Variants in NOL10 observed in about 807,000 individuals in gnomAD.
The protein encoded by NOL10 is nucleolar protein 10.
A neutral mutation model predicts 103.5 loss-of-function variants in NOL10; 58 were observed. That is an observed-to-expected ratio of 0.56 (90% CI 0.45 to 0.70). The LOEUF (loss-of-function observed/expected upper bound fraction) is 0.70. Ranked by LOEUF, NOL10 falls within the 30% of genes least tolerant of loss-of-function variation. The pLI is 0.00. For synonymous variants in NOL10, 287 were observed against 282.5 expected (o/e 1.02, Z -0.16); for missense variants, 763 against 807.3 (o/e 0.95, Z 0.67).
At chr2:10,650,355 G>C (rs1679380967) in intron 12 of NOL10, among the ~76,000 whole-genome samples, 1 of 151,808 alleles carries the variant, frequency 6.6e-6, no homozygotes, top group African/African-American at 2.4e-5. Context: ...AGTAGAGACA[G>C]AGTCTTGCTG....
chr2:10,594,047 A>C (rs1442185619), intron 17 of NOL10, among the ~76,000 whole-genome samples: 1 of 152,212 alleles, frequency 6.6e-6, no homozygotes, highest in Admixed American at 6.5e-5. Flanking sequence ...CTGCCAAAAA[A>C]TAACTATGGA....
In NOL10 at chr2:10,682,073, A is replaced by G; in HGVS notation, c.113-4T>C. Reference sequence around the variant, plus strand: ...AGTTCAATTCTCCTACGGACATCTAAAAAGAGAGAAAAAAACAACTAGTTT... The same window carrying G: ...AGTTCAATTCTCCTACGGACATCTAGAAAGAGAGAAAAAAACAACTAGTTT... On this transcript the variant is annotated splice_region_variant and splice_polypyrimidine_tract_variant and intron_variant, in intron 2 of 20. Coordinates refer to ENST00000381685, the MANE Select transcript of NOL10 (RefSeq NM_024894.4). 1 of 1,394,588 alleles carries G rather than the reference A, an allele frequency of 7.2e-7. No homozygotes were observed. Among genetic ancestry groups the G allele is most frequent in the South Asian group, 1.6e-5 (1 of 63,008 alleles). The allele number at this position is 1,394,588 out of a possible 1,614,324, so 86.4% of individuals were successfully genotyped here. A position where few individuals can be genotyped will look rare whatever the true frequency, so the allele number is the denominator to read the frequency against.
intron 17 of NOL10, among the ~76,000 whole-genome samples, chr2:10,594,944 C>T (rs971640492): frequency 2.0e-5 from 3 of 152,100 alleles, no homozygotes; most frequent in Non-Finnish European, 4.4e-5. Context: ...CTGCAGTAAG[C>T]TATGATTCTG....
At chr2:10,647,192 C>T (rs6746688) in intron 12 of NOL10, among the ~76,000 whole-genome samples, 2 of 52,144 alleles carry the variant, frequency 3.8e-5, no homozygotes, top group South Asian at 4.4e-4. Context: ...GTGTATAGTA[C>T]GCTGTAATAA....
chr2:10,601,648 C>T (rs1489391676), intron 16 of NOL10, among the ~76,000 whole-genome samples: 2 of 152,094 alleles, frequency 1.3e-5, no homozygotes, highest in Non-Finnish European at 2.9e-5. Context: ...TCTGTCTCTA[C>T]TAAAACTACA....
chr2:10,681,906 A>C (rs73169917), intron 3 of NOL10, 65 bp downstream of exon 3: 1 of 605,674 alleles, frequency 1.7e-6, no homozygotes. Context: ...AAAAAAAAAG[A>C]CCTTTCCCAT....
chr2:10,609,228 G>A (rs1324375142), intron 13 of NOL10, among the ~76,000 whole-genome samples: 1 of 126,568 alleles, frequency 7.9e-6, no homozygotes, highest in Non-Finnish European at 1.6e-5. Flanking sequence ...AGACTGCACT[G>A]AGTCGAAGGG....
At chr2:10,624,314 C>T (rs528824980) in intron 13 of NOL10, among the ~76,000 whole-genome samples, 26 of 152,000 alleles carry the variant, frequency 1.7e-4, no homozygotes, top group Middle Eastern at 3.4e-3. Context: ...CGTGCCACTA[C>T]ACTGAAGCCT....
intron 13 of NOL10, among the ~76,000 whole-genome samples, chr2:10,638,300 A>G (rs866372787): frequency 3.8e-4 from 33 of 87,192 alleles, no homozygotes; most frequent in South Asian, 1.0e-3. Flanking sequence ...AAAATAACGT[A>G]ACGTGACGTG....
At chr2:10,585,695 T>C (rs1254778081) in intron 19 of NOL10, among the ~76,000 whole-genome samples, 1 of 152,188 alleles carries the variant, frequency 6.6e-6, no homozygotes, top group African/African-American at 2.4e-5. Flanking sequence ...GATGCTCAAG[T>C]TGTATAAAAT....
intron 13 of NOL10, among the ~76,000 whole-genome samples, chr2:10,620,290 C>A (rs7572489): frequency 6.6e-6 from 1 of 151,588 alleles, no homozygotes; most frequent in Non-Finnish European, 1.5e-5. Flanking sequence ...CTAAGGGTAC[C>A]GATATATGTA....
At chr2:10,684,696 T>A in intron 1 of NOL10, 84 bp from the exon 2 acceptor site, 2 of 1,007,324 alleles carry the variant, frequency 2.0e-6, no homozygotes, top group Non-Finnish European at 3.0e-6. Flanking sequence ...ATGCTTATAT[T>A]TAAAAATTCA....
intron 9 of NOL10, among the ~76,000 whole-genome samples, chr2:10,659,920 G>C (rs965124810): frequency 6.6e-6 from 1 of 152,146 alleles, no homozygotes; most frequent in African/African-American, 2.4e-5. Flanking sequence ...ATCCTCAAAT[G>C]GGGACCCTAG....
intron 10 of NOL10, among the ~76,000 whole-genome samples, chr2:10,658,573 A>T (rs1679994321): frequency 7.0e-6 from 1 of 143,828 alleles, no homozygotes; most frequent in African/African-American, 2.6e-5. Flanking sequence ...ATGCTATATT[A>T]AAAAAAAAAA....
intron 4 of NOL10, 138 bp downstream of exon 4, chr2:10,675,656 T>C (rs540623914): frequency 4.6e-5 from 26 of 562,600 alleles, no homozygotes; most frequent in Non-Finnish European, 7.4e-5. Flanking sequence ...ATGGATGTTT[T>C]AAGCCATCGG....
chr2:10,622,162 A>G (rs1396949771), intron 13 of NOL10: 8 of 332,082 alleles, frequency 2.4e-5, no homozygotes, highest in African/African-American at 8.6e-5. Flanking sequence ...TGGAAAATGT[A>G]GATGGTAAAC....
intron 19 of NOL10, among the ~76,000 whole-genome samples, chr2:10,578,557 C>A (rs1463304622): frequency 6.6e-6 from 1 of 152,168 alleles, no homozygotes; most frequent in Non-Finnish European, 1.5e-5. Flanking sequence ...CTGTGCCCTG[C>A]ATTTCACTGT....
chr2:10,629,313 T>G (rs558011462), intron 13 of NOL10, among the ~76,000 whole-genome samples: 2 of 152,332 alleles, frequency 1.3e-5, no homozygotes, highest in Admixed American at 1.3e-4. Context: ...ATTTTTCATC[T>G]TTTTCTGATA....
At chr2:10,617,006 G>A (rs55738250) in intron 13 of NOL10, among the ~76,000 whole-genome samples, 88,805 of 150,174 alleles carry the variant, frequency 0.59, 27,364 homozygotes, top group African/African-American at 0.74. Context: ...GATACTCAGT[G>A]ACAAAACACA....
Sources: gnomAD v4.1 joint callset for allele counts (sites outside exome capture counted in the v4.1 genomes callset) on GRCh38, gnomAD v4.1.1 for gene constraint, MANE v1.5 for transcripts, NCBI Gene and HGNC (gene_info 2026-07-23, HGNC 2026-07-21) for gene names.